The following CSGALNACT1 variants were observed in gnomAD, a reference collection of about 807,000 sequenced individuals.
The protein encoded by CSGALNACT1 is beta4GalNAcT-1.
CSGALNACT1 carries 52 observed loss-of-function variants against 51.0 expected under a neutral mutation model. The observed-to-expected ratio is 1.02, with a 90% CI of 0.82 to 1.29. The LOEUF (loss-of-function observed/expected upper bound fraction) is 1.29, where lower values mean the gene tolerates loss of function less well. CSGALNACT1 is among the 50% of genes most tolerant of loss of function. CSGALNACT1 has a pLI of 0.00. For missense variants in CSGALNACT1, 935 were observed against 679.2 expected (o/e 1.38, Z -4.19); for synonymous variants, 341 against 254.4 (o/e 1.34, Z -3.24).
At chr8:19,603,233 G>A (rs1019756469), upstream of CSGALNACT1, among the ~76,000 whole-genome samples, 3 of 152,108 alleles carry the variant, frequency 2.0e-5, no homozygotes, top group Non-Finnish European at 2.9e-5. Context: ...CCTCCATGGG[G>A]ATGGCCTCCA....
At chr8:19,660,297 G>T (rs1324630568) in intron 1 of CSGALNACT1, among the ~76,000 whole-genome samples, 1 of 152,226 alleles carries the variant, frequency 6.6e-6, no homozygotes, top group African/African-American at 2.4e-5. Context: ...CTGGGGACCA[G>T]ACAAACTTGA....
At chr8:19,471,391 T>C (rs1370335767) in intron 4 of CSGALNACT1, among the ~76,000 whole-genome samples, 1 of 152,208 alleles carries the variant, frequency 6.6e-6, no homozygotes, top group Non-Finnish European at 1.5e-5. Flanking sequence ...TGTCTTCTTT[T>C]GCTCTCTTTT....
chr8:19,486,255 C>A (rs2072907665), intron 4 of CSGALNACT1, among the ~76,000 whole-genome samples: 1 of 152,118 alleles, frequency 6.6e-6, no homozygotes, highest in African/African-American at 2.4e-5. Flanking sequence ...TTGGTTGTCA[C>A]TTGTTACCAC....
intron 9 of CSGALNACT1, among the ~76,000 whole-genome samples, chr8:19,406,584 C>T (rs959332310): frequency 2.8e-5 from 4 of 144,418 alleles, no homozygotes; most frequent in Non-Finnish European, 4.5e-5. Flanking sequence ...CACATGTACC[C>T]CATAAACATG....
intron 1 of CSGALNACT1, among the ~76,000 whole-genome samples, chr8:19,736,497 A>T (rs2063982622): frequency 6.7e-6 from 1 of 149,416 alleles, no homozygotes; most frequent in African/African-American, 2.5e-5. Flanking sequence ...GGACTGAGAA[A>T]GTCATTAGGT....
At chr8:19,441,480 A>C (rs1329591834) in intron 5 of CSGALNACT1, among the ~76,000 whole-genome samples, 1 of 152,232 alleles carries the variant, frequency 6.6e-6, no homozygotes, top group Non-Finnish European at 1.5e-5. Context: ...AGGATTCCCT[A>C]CTTAATAAAT....
intron 1 of CSGALNACT1, among the ~76,000 whole-genome samples, chr8:19,660,468 G>A (rs1009766368): frequency 6.6e-6 from 1 of 152,134 alleles, no homozygotes; most frequent in Non-Finnish European, 1.5e-5. Context: ...TAACACTATG[G>A]TGCCACAGCC....
intron 3 of CSGALNACT1, among the ~76,000 whole-genome samples, chr8:19,542,896 G>A (rs184681129): frequency 5.3e-5 from 8 of 152,188 alleles, no homozygotes; most frequent in Admixed American, 5.2e-4. Flanking sequence ...GATTCCAATT[G>A]TTTCCTGATA....
At chr8:19,468,950 T>C (rs1257536738) in intron 4 of CSGALNACT1, among the ~76,000 whole-genome samples, 2 of 152,156 alleles carry the variant, frequency 1.3e-5, no homozygotes, top group African/African-American at 4.8e-5. Context: ...GCACAGTGCA[T>C]GGATGTGCAA....
chr8:19,670,020 T>C (rs2059668516), intron 1 of CSGALNACT1, among the ~76,000 whole-genome samples: 1 of 152,176 alleles, frequency 6.6e-6, no homozygotes, highest in Non-Finnish European at 1.5e-5. Context: ...TCTTCAATTA[T>C]CCCAGGTCTA....
intron 9 of CSGALNACT1, among the ~76,000 whole-genome samples, chr8:19,406,365 C>T (rs1228699852): frequency 6.6e-6 from 1 of 151,758 alleles, no homozygotes; most frequent in East Asian, 1.9e-4. Flanking sequence ...GCCCCAGCCT[C>T]GTGGTTAATG....
chr8:19,469,260 G>A (rs1258530184), intron 4 of CSGALNACT1, among the ~76,000 whole-genome samples: 2 of 152,174 alleles, frequency 1.3e-5, no homozygotes, highest in African/African-American at 2.4e-5. Flanking sequence ...GCATGGTGCT[G>A]TGCACCTGTA....
At chr8:19,599,520 G>GAAAAGA (rs201197114) in intron 2 of CSGALNACT1, among the ~76,000 whole-genome samples, 1 of 127,156 alleles carries the variant, frequency 7.9e-6, no homozygotes, top group African/African-American at 2.9e-5. Context: ...AAGAAAGAAA[G>GAAAAGA]AAAGAAAAGA....
In CSGALNACT1 at chr8:19,712,845, G is replaced by T. The variant is rs1347248687; in HGVS notation, c.-297+45005C>A. On this transcript the variant is annotated intron_variant, in intron 1 of 1. Transcript: ENST00000517494. ...ATATCTAAAATGTGCAGAGGGCCAAGCTTGGCAAGAAACATCCAAGTGCAG... is the reference window on the plus strand; with the variant it reads ...ATATCTAAAATGTGCAGAGGGCCAATCTTGGCAAGAAACATCCAAGTGCAG... Among the ~76,000 whole-genome samples, 3 of 152,294 alleles carry T rather than the reference G, an allele frequency of 2.0e-5. No homozygotes were observed. In the East Asian group the frequency reaches 5.8e-4, roughly 29 times the overall value.
intron 6 of CSGALNACT1, among the ~76,000 whole-genome samples, chr8:19,439,289 C>G (rs943871073): frequency 6.6e-6 from 1 of 152,198 alleles, no homozygotes; most frequent in Non-Finnish European, 1.5e-5. Flanking sequence ...TTGTACTCAA[C>G]TGAGTAAGTT....
intron 3 of CSGALNACT1, among the ~76,000 whole-genome samples, chr8:19,588,217 G>GA (rs895883533): frequency 2.0e-5 from 3 of 148,628 alleles, no homozygotes; most frequent in East Asian, 2.0e-4. Flanking sequence ...GCAAAAAAAA[G>GA]AAAAAAAAAG....
intron 5 of CSGALNACT1, among the ~76,000 whole-genome samples, chr8:19,443,350 A>G (rs1167971268): frequency 6.6e-6 from 1 of 152,256 alleles, no homozygotes; most frequent in African/African-American, 2.4e-5. Context: ...GTACACATAT[A>G]TGCATATATT....
chr8:19,564,484 A>G (rs2041496164), intron 3 of CSGALNACT1, among the ~76,000 whole-genome samples: 1 of 151,972 alleles, frequency 6.6e-6, no homozygotes, highest in African/African-American at 2.4e-5. Flanking sequence ...GACAGGTCCT[A>G]ACTGTCCTTT....
In CSGALNACT1 at chr8:19,578,124, C is replaced by T. The variant is rs549369523; in HGVS notation, c.-297+13036G>A. 1.3e-4 allele frequency among the ~76,000 whole-genome samples: 20 copies of T among 152,324 alleles called. No homozygotes were observed. In the South Asian group the frequency reaches 2.9e-3, roughly 22 times the overall value. Reference sequence around the variant, plus strand: ...TCCAGGCGCAGGTGGCACCGCAGGTCGTCCCTGAGGCATAAGGTAACATGT... The same window carrying T: ...TCCAGGCGCAGGTGGCACCGCAGGTTGTCCCTGAGGCATAAGGTAACATGT... On this transcript the variant is annotated intron_variant, in intron 3 of 9. Coordinates refer to ENST00000454498, the Ensembl canonical transcript of CSGALNACT1.
Sources: gnomAD v4.1 joint callset for allele counts (sites outside exome capture counted in the v4.1 genomes callset) on GRCh38, gnomAD v4.1.1 for gene constraint, MANE v1.5 for transcripts, NCBI Gene and HGNC (gene_info 2026-07-23, HGNC 2026-07-21) for gene names.